Variants in ZNF442 observed in about 807,000 individuals in gnomAD.
The protein encoded by ZNF442 is zinc finger protein 442.
In ZNF442, 45 loss-of-function variants were observed where a neutral mutation model predicts 57.0. That is an observed-to-expected ratio of 0.79 (90% CI 0.62 to 1.01). ZNF442 has a LOEUF of 1.01. Among genes scored for constraint, ZNF442 ranks in the 50% least tolerant of loss-of-function variants. ZNF442 has a pLI of 0.00. For synonymous variants in ZNF442, 213 were observed against 241.8 expected, an observed-to-expected ratio of 0.88 and a Z score of 1.10; for missense variants, 690 against 756.5, an observed-to-expected ratio of 0.91 and a Z score of 1.03.
At chr19:12,351,971 T>G (rs1969245776) in intron 5 of ZNF442, 39 bp downstream of exon 5, 1 of 1,580,558 alleles carries the variant, frequency 6.3e-7, no homozygotes. Flanking sequence ...TAAGAATTGC[T>G]CCACAGATAT....
At position 12,350,521 on chromosome 19, in the gene ZNF442, C is replaced by A; in HGVS notation, c.1064G>T (p.Gly355Val). 1 of 1,613,982 alleles carries A rather than the reference C, an allele frequency of 6.2e-7. No homozygotes were observed. The highest frequency in any genetic ancestry group is 8.5e-7 in the Non-Finnish European group (1 of 1,179,980). The part of the protein sequence containing the change: ...GDGPHKCKIC[G>V]KGFDCPSSLQ... ...TGAACTAGGACAATCAAAGCCTTTCCCACATATCTTACATTTATGAGGTCC... is the reference window on the plus strand; with the variant it reads ...TGAACTAGGACAATCAAAGCCTTTCACACATATCTTACATTTATGAGGTCC... Residue 355 changes from glycine (G) to valine (V), a missense_variant, in exon 6 of 6, where the codon GGG becomes GTG. By Grantham distance (109) the Gly-to-Val change is moderately radical. Coordinates refer to ENST00000242804, the MANE Select transcript of ZNF442 (RefSeq NM_030824.3).
chr19:12,355,363 A>ATT (rs111591151), intron 3 of ZNF442, among the ~76,000 whole-genome samples: 3 of 137,196 alleles, frequency 2.2e-5, no homozygotes, highest in Non-Finnish European at 4.7e-5. Context: ...TTTAATGAGA[A>ATT]TTTTTTTTTT....
At chr19:12,368,119 T>G (rs1212646952), upstream of ZNF442, among the ~76,000 whole-genome samples, 1 of 152,228 alleles carries the variant, frequency 6.6e-6, no homozygotes, top group Non-Finnish European at 1.5e-5. Context: ...TATCTTTCCT[T>G]GTTCCCAGAA....
chr19:12,349,831 C>A lies in ZNF442; in HGVS notation c.1754G>T (p.Arg585Leu). The A allele has an allele frequency of 6.2e-7, 1 of 1,610,846 alleles. No individual in the cohort carries two copies. The highest frequency in any genetic ancestry group is 8.5e-7 in the Non-Finnish European group (1 of 1,179,028). ...AGTTTTTTCATGTCCTCGAAGGAAA[C>A]GAGAACGAGTGAAGGCTTTACCACA... is the stretch of plus-strand genomic sequence containing the variant. The part of the protein sequence containing the change: ...QQCGKAFTRS[R>L]FLRGHEKTHT... Residue 585 changes from arginine to leucine, a missense_variant, in exon 6 of 6, where the codon CGT becomes CTT. Physicochemically the swap from Arg to Leu is moderately radical, Grantham distance 102. Transcript: ENST00000242804.
chr19:12,364,587 A>C (rs1351997178), intron 2 of ZNF442, among the ~76,000 whole-genome samples: 2 of 152,042 alleles, frequency 1.3e-5, no homozygotes, highest in East Asian at 3.9e-4. Flanking sequence ...CTGGAAACCA[A>C]GGGAGTTACT....
At position 12,349,540 on chromosome 19, in the gene ZNF442, G is replaced by A. The variant is rs984646701; in HGVS notation, c.*161C>T. On this transcript the variant is annotated 3_prime_UTR_variant, in exon 6 of 6. Coordinates refer to ENST00000242804, the MANE Select transcript of ZNF442 (RefSeq NM_030824.3). The stretch of plus-strand genomic sequence containing the variant: ...GCATCTGTGGATTTAGGTATGCTTA[G>A]GGGGTCTGGAACCAATCCCCTGCAT... 8 of 651,614 alleles carry A rather than the reference G, an allele frequency of 1.2e-5. No homozygotes were observed. The African/African-American group carries it at 1.5e-4, about 12-fold the overall frequency. 40.4% of individuals were successfully genotyped at this position (651,614 alleles called of 1,614,324 possible). A position where few individuals can be genotyped will look rare whatever the true frequency, so the allele number is the denominator to read the frequency against.
In ZNF442 at chr19:12,364,884, C is replaced by T. The variant is rs1187049518; in HGVS notation, c.-123G>A. The T allele has an allele frequency of 1.3e-5, 2 of 152,228 alleles. No individual in the cohort carries two copies. The highest frequency in any genetic ancestry group is 4.8e-5 in the African/African-American group (2 of 41,462). The allele number at this position is 152,228 out of a possible 1,614,324, so 9.4% of individuals were successfully genotyped here. A position where few individuals can be genotyped will look rare whatever the true frequency, so the allele number is the denominator to read the frequency against. On this transcript the variant is annotated 5_prime_UTR_variant, in exon 2 of 6. Coordinates refer to ENST00000242804, the MANE Select transcript of ZNF442 (RefSeq NM_030824.3). ...CTGACCGCCGGCTTCTGCATTGTGCCTGGGGATAAGATCTCGGAGAGCTGC... is the reference window on the plus strand; with the variant it reads ...CTGACCGCCGGCTTCTGCATTGTGCTTGGGGATAAGATCTCGGAGAGCTGC...
In ZNF442 at chr19:12,346,432, T is replaced by C. The variant is rs1038824568; in HGVS notation, c.*3269A>G. The C allele has an allele frequency of 6.6e-6, 1 of 152,066 alleles. No individual in the cohort carries two copies. Among genetic ancestry groups the C allele is most frequent in the Non-Finnish European group, 1.5e-5 (1 of 68,016 alleles). The allele number at this position is 152,066 out of a possible 1,614,324, so 9.4% of individuals were successfully genotyped here. ...CATTAATTGGCTATTATGAAAAAAA[T>C]ACGACAACCAGTATATGTGACAATG... On this transcript the variant is annotated 3_prime_UTR_variant, in exon 6 of 6. Coordinates refer to ENST00000242804, the MANE Select transcript of ZNF442 (RefSeq NM_030824.3).
chr19:12,365,100 A>C lies in ZNF442; in HGVS notation c.-339T>G, dbSNP rs1260759114. 1 of 152,462 alleles carries C rather than the reference A, an allele frequency of 6.6e-6. No homozygotes were observed. The highest frequency in any genetic ancestry group is 2.4e-5 in the African/African-American group (1 of 41,292). The allele number at this position is 152,462 out of a possible 1,614,324, so 9.4% of individuals were successfully genotyped here. ...TTCAGCCGCCCCTGTCCAGACCCCT[A>C]AACACCCCCATCCCCAAACCTCTCA... On this transcript the variant is annotated 5_prime_UTR_variant, in exon 2 of 6. Transcript: ENST00000242804.
chr19:12,359,871 G>A (rs544213589), intron 3 of ZNF442, among the ~76,000 whole-genome samples: 8 of 152,028 alleles, frequency 5.3e-5, no homozygotes, highest in South Asian at 2.1e-4. Context: ...TCAGCTACTC[G>A]GGAGGCTGAG....
chr19:12,362,053 G>C (rs1373751944), intron 3 of ZNF442, among the ~76,000 whole-genome samples: 1 of 152,180 alleles, frequency 6.6e-6, no homozygotes, highest in African/African-American at 2.4e-5. Flanking sequence ...GTGCAATGGC[G>C]TGATCTCGGC....
At chr19:12,351,950 T>C in intron 5 of ZNF442, 60 bp downstream of exon 5, 1 of 1,493,528 alleles carries the variant, frequency 6.7e-7, no homozygotes, top group African/African-American at 1.4e-5. Flanking sequence ...TTGTATAATT[T>C]CCTGTCATCC....
upstream of ZNF442, among the ~76,000 whole-genome samples, chr19:12,368,035 G>A (rs554157581): frequency 6.6e-5 from 10 of 152,196 alleles, no homozygotes; most frequent in South Asian, 6.2e-4. Flanking sequence ...TCACATGTCC[G>A]TCTATAGGCT....
rs1295555797 is a variant in ZNF442 at position 12,347,900 on chromosome 19, G to A, written c.*1801C>T. 6 of 152,120 alleles carry A rather than the reference G, an allele frequency of 3.9e-5. No individual in the cohort carries two copies. Among genetic ancestry groups the A allele is most frequent in the East Asian group, 3.9e-4 (2 of 5,180 alleles). The allele number at this position is 152,120 out of a possible 1,614,324, so 9.4% of individuals were successfully genotyped here. On this transcript the variant is annotated 3_prime_UTR_variant, in exon 6 of 6. Coordinates refer to ENST00000242804, the MANE Select transcript of ZNF442 (RefSeq NM_030824.3). ...ATAAGAGAGCATAAATACTAACAAG[G>A]AACTCGAAGATATACTGAAATTCTC...
chr19:12,357,744 C>T lies in ZNF442; in HGVS notation c.79-4630G>A, dbSNP rs148470097. ...TTTTGATGTTGTTTGTACATATTCA[C>T]GGGGTACAGGTCTAATGTTGCCACA... On this transcript the variant is annotated intron_variant, in intron 3 of 5. Coordinates refer to ENST00000242804, the MANE Select transcript of ZNF442 (RefSeq NM_030824.3). 1.2e-3 allele frequency among the ~76,000 whole-genome samples: 188 copies of T among 152,090 alleles called. 1 individual carries two copies. The highest frequency in any genetic ancestry group is 4.3e-3 in the African/African-American group (177 of 41,468).
At position 12,349,269 on chromosome 19, in the gene ZNF442, T is replaced by C. The variant is rs111255449; in HGVS notation, c.*432A>G. The C allele has an allele frequency of 2.6e-5, 4 of 154,976 alleles. No homozygotes were observed. The highest frequency in any genetic ancestry group is 9.7e-5 in the African/African-American group (4 of 41,392). 9.6% of individuals were successfully genotyped at this position (154,976 alleles called of 1,614,324 possible). On this transcript the variant is annotated 3_prime_UTR_variant, in exon 6 of 6. Coordinates refer to ENST00000242804, the MANE Select transcript of ZNF442 (RefSeq NM_030824.3). ...GACATGTACTATGTAGGCAGGCCTG[T>C]GATGGTTGGGTCTGTTCTCAACAGC...
chr19:12,356,541 C>A (rs1369279881), intron 3 of ZNF442, among the ~76,000 whole-genome samples: 1 of 151,862 alleles, frequency 6.6e-6, no homozygotes, highest in South Asian at 2.1e-4. Flanking sequence ...GCAGGACAAT[C>A]GCTTGAACCC....
chr19:12,350,287 T>C lies in ZNF442; in HGVS notation c.1298A>G (p.Tyr433Cys), dbSNP rs1228397327. The change falls in exon 6 of 6, where the codon TAT becomes TGT. Residue 433 changes from tyrosine to cysteine, a missense_variant. Tyr to Cys is a radical substitution (Grantham distance 194, BLOSUM62 -2). Coordinates refer to ENST00000242804, the MANE Select transcript of ZNF442 (RefSeq NM_030824.3). ...HERTHTGEKP[Y>C]ECKECGKAFR... ...GGCTTTACCACATTCTTTACATTCA[T>C]AGGGTTTCTCACCAGTATGAGTCCT... 7 of 1,613,712 alleles carry C rather than the reference T, an allele frequency of 4.3e-6. No homozygotes were observed. Among genetic ancestry groups the C allele is most frequent in the African/African-American group, 1.3e-5 (1 of 74,722 alleles).
intron 3 of ZNF442, 61 bp from the exon 4 acceptor site, chr19:12,353,175 C>A (rs1969273299): frequency 6.6e-7 from 1 of 1,519,606 alleles, no homozygotes; most frequent in Non-Finnish European, 8.8e-7. Context: ...AAAATTTACA[C>A]CCACTTCATA....
Sources: allele counts gnomAD v4.1 joint callset (sites outside exome capture counted in the v4.1 genomes callset), GRCh38; gene constraint gnomAD v4.1.1; transcripts MANE v1.5; gene names NCBI Gene and HGNC (gene_info 2026-07-23, HGNC 2026-07-21).